Variants in ABCG8 observed in about 807,000 individuals in gnomAD.
ABCG8 encodes ATP binding cassette subfamily G member 8.
A neutral mutation model predicts 71.3 loss-of-function variants in ABCG8; 81 were observed. The ratio of observed to expected loss-of-function variants is 1.14; its 90% confidence interval spans 0.95 to 1.37. The LOEUF is 1.37. Ranked by LOEUF, ABCG8 falls within the 40% of genes most tolerant of loss-of-function variation. The pLI is 0.00. For missense variants in ABCG8, 1,119 were observed against 866.2 expected (o/e 1.29, Z -3.66); for synonymous variants, 451 against 354.7 (o/e 1.27, Z -3.05).
intron 6 of ABCG8, 61 bp downstream of exon 6, chr2:43,852,929 C>A (rs965005891): frequency 6.3e-7 from 1 of 1,590,540 alleles, no homozygotes. Flanking sequence ...ATGCTTAAAC[C>A]CTGCCCAAGC....
chr2:43,872,185 G>A (rs1669800888), intron 7 of ABCG8, 38 bp from the exon 8 acceptor site: 5 of 1,613,866 alleles, frequency 3.1e-6, no homozygotes, highest in Non-Finnish European at 3.4e-6. Context: ...GCAGAAGGTG[G>A]CTGCCCCCAT....
chr2:43,871,974 A>C lies in ABCG8; in HGVS notation c.965-2A>C, dbSNP rs774111515. ...CTGTGACTCCACATCCCCTGCTTGCAGTGGACCTGACCAGCATTGACAGGC... is the reference window on the plus strand; with the variant it reads ...CTGTGACTCCACATCCCCTGCTTGCCGTGGACCTGACCAGCATTGACAGGC... On this transcript the variant is annotated splice_acceptor_variant, in intron 6 of 12. Coordinates refer to ENST00000272286, the MANE Select transcript of ABCG8 (RefSeq NM_022437.3). LOFTEE classifies it high-confidence loss of function. The C allele has an allele frequency of 3.1e-6, 5 of 1,614,024 alleles. No individual in the cohort carries two copies. The East Asian group carries it at 1.1e-4, about 36-fold the overall frequency.
rs1553383802 is a variant in ABCG8, at chr2:43,874,510, G to GCT, written c.1488+28_1488+29insTC. 2.4e-4 allele frequency: 376 copies of GCT among 1,539,222 alleles called. 3 individuals carry two copies. The East Asian group carries it at 8.0e-3, about 33-fold the overall frequency. ...TGACTGGGCAGGGTTGAGAGCAAGT[G>GCT]CCCCCCACCCACCAGGGTGGGGGTA... On this transcript the variant is annotated intron_variant, in intron 10 of 12. Transcript: ENST00000272286.
chr2:43,872,319 C>T lies in ABCG8; in HGVS notation c.1211+13C>T. 1 of 1,611,458 alleles carries T rather than the reference C, an allele frequency of 6.2e-7. No homozygotes were observed. Among genetic ancestry groups the T allele is most frequent in the African/African-American group, 1.3e-5 (1 of 74,948 alleles). ...CGACGCTGATCCGGTAATTATCTGT[C>T]ATTTTATTACTGAACCCGCCCCCCT... On this transcript the variant is annotated intron_variant, in intron 8 of 12. Coordinates refer to ENST00000272286, the MANE Select transcript of ABCG8 (RefSeq NM_022437.3).
At chr2:43,867,750 G>A (rs1048435987) in intron 6 of ABCG8, among the ~76,000 whole-genome samples, 2 of 151,170 alleles carry the variant, frequency 1.3e-5, no homozygotes, top group African/African-American at 4.9e-5. Context: ...TCACCCTCTG[G>A]ATAGAACTGT....
chr2:43,843,941 TGAG>T (rs1420428289), intron 1 of ABCG8, among the ~76,000 whole-genome samples: 1 of 152,188 alleles, frequency 6.6e-6, no homozygotes, highest in Admixed American at 6.5e-5. Flanking sequence ...AAATCAGATA[TGAG>T]GAGAAGTATG....
At chr2:43,875,067 G>A (rs1355925633) in intron 10 of ABCG8, 79 bp from the exon 11 acceptor site, 3 of 1,592,564 alleles carry the variant, frequency 1.9e-6, no homozygotes, top group Admixed American at 1.7e-5. Context: ...CTATCTGGGG[G>A]CACTGCTACT....
intron 6 of ABCG8, among the ~76,000 whole-genome samples, chr2:43,863,940 G>A (rs1293809230): frequency 1.3e-5 from 2 of 151,130 alleles, no homozygotes; most frequent in Admixed American, 6.6e-5. Flanking sequence ...CTCACAATCT[G>A]GATAGGATTC....
intron 10 of ABCG8, 76 bp downstream of exon 10, chr2:43,874,559 A>G (rs1572866855): frequency 7.9e-7 from 1 of 1,273,162 alleles, no homozygotes; most frequent in Non-Finnish European, 1.2e-6. Flanking sequence ...CGTTGCTACA[A>G]GGAAGGCTTT....
intron 6 of ABCG8, among the ~76,000 whole-genome samples, chr2:43,855,626 C>G (rs1022976692): frequency 6.6e-6 from 1 of 152,158 alleles, no homozygotes; most frequent in Non-Finnish European, 1.5e-5. Flanking sequence ...GGATAGAAAT[C>G]TCACTATCTG....
chr2:43,851,930 G>A, intron 4 of ABCG8, 108 bp downstream of exon 4: 1 of 1,289,022 alleles, frequency 7.8e-7, no homozygotes, highest in African/African-American at 1.5e-5. Context: ...GGTCGAGTTT[G>A]AACAACTCAG....
intron 6 of ABCG8, among the ~76,000 whole-genome samples, chr2:43,868,376 A>T (rs1195578090): frequency 3.3e-5 from 5 of 152,062 alleles, no homozygotes; most frequent in Non-Finnish European, 7.4e-5. Flanking sequence ...GTATCTGTAT[A>T]GAATTCTTAC....
chr2:43,851,558 C>A (rs1668914928), intron 3 of ABCG8, 26 bp from the exon 4 acceptor site: 2 of 1,613,112 alleles, frequency 1.2e-6, no homozygotes, highest in African/African-American at 1.3e-5. Flanking sequence ...GCTCCGCTCT[C>A]AGGGATATCC....
intron 8 of ABCG8, among the ~76,000 whole-genome samples, chr2:43,872,637 G>A (rs1669822212): frequency 6.6e-6 from 1 of 152,126 alleles, no homozygotes; most frequent in Admixed American, 6.6e-5. Context: ...CTTGATTCCT[G>A]GAGGTGGAGG....
chr2:43,844,627 T>A lies in ABCG8; in HGVS notation c.165+19T>A. 6.3e-7 allele frequency: 1 copy of A among 1,591,000 alleles called. No individual in the cohort carries two copies. Among genetic ancestry groups the A allele is most frequent in the Non-Finnish European group, 8.6e-7 (1 of 1,159,128 alleles). ...CTACCAGGTAGAGGCACGCCTGGGT[T>A]CAAGGGGAGAGGAGCAGGCAGGGAC... On this transcript the variant is annotated intron_variant, in intron 2 of 12. Transcript: ENST00000272286.
At chr2:43,875,491 T>C in intron 11 of ABCG8, 78 bp downstream of exon 11, 8 of 1,541,966 alleles carry the variant, frequency 5.2e-6, no homozygotes, top group South Asian at 2.4e-5. Context: ...CATCTGGAGA[T>C]GGACACTTAT....
chr2:43,853,904 G>A (rs1450484908), intron 6 of ABCG8, among the ~76,000 whole-genome samples: 7 of 152,050 alleles, frequency 4.6e-5, no homozygotes, highest in Admixed American at 6.6e-5. Flanking sequence ...GCCGCCCCTT[G>A]CCCTCTGTAC....
In ABCG8 at chr2:43,878,167, A is replaced by G; in HGVS notation, c.*254A>G. On this transcript the variant is annotated 3_prime_UTR_variant, in exon 13 of 13. Transcript: ENST00000272286. ...AAAACCTGCACTCGGTGGCACCTAC[A>G]ACGTTGCTAATTTATTTCCTTTTGA... 1 of 553,352 alleles carries G rather than the reference A, an allele frequency of 1.8e-6. No homozygotes were observed. The highest frequency in any genetic ancestry group is 2.0e-5 in the South Asian group (1 of 50,570). 34.3% of individuals were successfully genotyped at this position (553,352 alleles called of 1,614,324 possible).
Position 43,846,742 on chromosome 2 carries a change from T to C in ABCG8, c.322+431T>C, listed in dbSNP as rs6544713. ...CTCACCTCTCAGACAGCCTCTCCAG[T>C]GTCTTACTTAGCACAACTTTCACTC... On this transcript the variant is annotated intron_variant, in intron 3 of 12. Transcript: ENST00000272286. 200,555 of 269,698 alleles carry C rather than the reference T, an allele frequency of 0.74. 75,429 individuals carry two copies. Among genetic ancestry groups the C allele is most frequent in the East Asian group, 1 (10,957 of 11,000 alleles). 16.7% of individuals were successfully genotyped at this position (269,698 alleles called of 1,614,324 possible).
Sources: allele counts gnomAD v4.1 joint callset (sites outside exome capture counted in the v4.1 genomes callset), GRCh38; gene constraint gnomAD v4.1.1; transcripts MANE v1.5; gene names NCBI Gene and HGNC (gene_info 2026-07-23, HGNC 2026-07-21).